The following HIPK3 variants were observed in gnomAD, a reference collection of about 807,000 sequenced individuals.
HIPK3 encodes homeodomain-interacting protein kinase 3.
Under a neutral mutation model 124.2 loss-of-function variants are expected in HIPK3, and 47 were observed. That is an observed-to-expected ratio of 0.38 (90% CI 0.30 to 0.48). HIPK3 has a LOEUF of 0.48. Ranked by LOEUF, HIPK3 falls within the 20% of genes least tolerant of loss-of-function variation. The probability of loss-of-function intolerance (pLI) is 0.98; values close to 1 mark genes in which losing one functional copy is unlikely to be tolerated. For synonymous variants in HIPK3, 482 were observed against 515.2 expected (o/e 0.94, Z 0.87); for missense variants, 1,286 against 1,454.3 (o/e 0.88, Z 1.88).
Position 33,281,819 on chromosome 11 carries a change from A to G in HIPK3, c.-2-4594A>G, listed in dbSNP as rs186272416. Among the ~76,000 whole-genome samples, 225 of 152,262 alleles carry G rather than the reference A, an allele frequency of 1.5e-3. 2 individuals are homozygous for G. Among genetic ancestry groups the G allele is most frequent in the African/African-American group, 5.1e-3 (211 of 41,544 alleles). On this transcript the variant is annotated intron_variant, in intron 1 of 16. Transcript: ENST00000303296. ...GTTTTCATTCTTTTTAAATTGGTCC[A>G]TGTGTCAAGGTCTGTTTAGTACCTT...
chr11:33,306,941 T>C (rs1852178206), intron 2 of HIPK3, among the ~76,000 whole-genome samples: 1 of 150,862 alleles, frequency 6.6e-6, no homozygotes, highest in African/African-American at 2.4e-5. Flanking sequence ...GCATCCACTT[T>C]TTTTTTTTTT....
intron 1 of HIPK3, among the ~76,000 whole-genome samples, chr11:33,275,592 A>T (rs928936729): frequency 8.5e-5 from 13 of 152,084 alleles, no homozygotes; most frequent in African/African-American, 3.1e-4. Flanking sequence ...ACTCCTTTTT[A>T]CTGGCTACAT....
At chr11:33,336,748 C>CTA (rs1359470837) in intron 3 of HIPK3, among the ~76,000 whole-genome samples, 1 of 152,186 alleles carries the variant, frequency 6.6e-6, no homozygotes, top group Non-Finnish European at 1.5e-5. Context: ...TTTACACATA[C>CTA]TATAACCTTG....
At chr11:33,292,746 T>A (rs1274206493) in intron 2 of HIPK3, among the ~76,000 whole-genome samples, 2 of 152,050 alleles carry the variant, frequency 1.3e-5, no homozygotes, top group East Asian at 3.8e-4. Flanking sequence ...AATGGTTTTC[T>A]TTTTTTTAAG....
chr11:33,287,051 A>G lies in HIPK3; in HGVS notation c.637A>G (p.Lys213Glu). 6.2e-7 allele frequency: 1 copy of G among 1,614,224 alleles called. No individual in the cohort carries two copies. Among genetic ancestry groups the G allele is most frequent in the Non-Finnish European group, 8.5e-7 (1 of 1,180,038 alleles). The change falls in exon 2 of 17, where the codon AAA (lysine) becomes GAA (glutamate). Residue 213 changes from lysine to glutamate, a missense_variant. Lys to Glu is a moderately conservative substitution (Grantham distance 56). Around this residue, in one of 3 missense-constraint regions of HIPK3, gnomAD observed 251 missense variants for 349.1 expected, o/e 0.72. Transcript: ENST00000303296. ...LGRGTFGQVV[K>E]CWKRGTNEIV... ...TCGAGGCACGTTTGGCCAGGTAGTT[A>G]AATGCTGGAAAAGAGGGACAAATGA...
intron 2 of HIPK3, among the ~76,000 whole-genome samples, chr11:33,308,801 A>G (rs1229244937): frequency 6.8e-6 from 1 of 146,298 alleles, no homozygotes; most frequent in East Asian, 2.0e-4. Flanking sequence ...TTAGTTCTAT[A>G]TATATAAGAC....
Position 33,356,125 on chromosome 11 carries a change from A to G in HIPK3, c.*2557A>G, listed in dbSNP as rs1260903467. The G allele has an allele frequency of 6.6e-6, 1 of 152,044 alleles. No individual in the cohort carries two copies. The highest frequency in any genetic ancestry group is 1.5e-5 in the Non-Finnish European group (1 of 67,910). The allele number at this position is 152,044 out of a possible 1,614,324, so 9.4% of individuals were successfully genotyped here. On this transcript the variant is annotated 3_prime_UTR_variant, in exon 17 of 17. Transcript: ENST00000303296. ...CTTTTTGTTTAGGGCCATGTTTACT[A>G]CCCTGAAATGTTGTATTTTTTGTCT...
upstream of HIPK3, chr11:33,257,250 G>A: frequency 6.1e-6 from 6 of 983,876 alleles, no homozygotes; most frequent in Non-Finnish European, 6.0e-6. Context: ...GGGCTTCACG[G>A]AGGCGCCGCG....
chr11:33,278,152 T>C (rs546349653), intron 1 of HIPK3, among the ~76,000 whole-genome samples: 1 of 152,328 alleles, frequency 6.6e-6, no homozygotes, highest in South Asian at 2.1e-4. Context: ...AGGTTGATGA[T>C]TAATTTGTTA....
In HIPK3 at chr11:33,337,198, A is replaced by C; in HGVS notation, c.1341+4A>C. 1 of 1,508,302 alleles carries C rather than the reference A, an allele frequency of 6.6e-7. No individual in the cohort carries two copies. Among genetic ancestry groups the C allele is most frequent in the Non-Finnish European group, 9.1e-7 (1 of 1,099,490 alleles). 93.4% of individuals were successfully genotyped at this position (1,508,302 alleles called of 1,614,324 possible). On this transcript the variant is annotated splice_donor_region_variant and intron_variant, in intron 4 of 16. Transcript: ENST00000303296. ...TCATTCTGGTTGGAGATTAAAGGTA[A>C]TTCATTAAAAAATAGAATATTTAGA...
rs148833005 is a variant in HIPK3 at position 33,340,717 on chromosome 11, C to G, written c.1614-251C>G. On this transcript the variant is annotated intron_variant, in intron 6 of 16. Coordinates refer to ENST00000303296, the MANE Select transcript of HIPK3 (RefSeq NM_005734.5). ...TAGGGGATCGTAAAATTATTGCATG[C>G]TAACCAAAAAATGCTTACTGTGGTT... 2.9e-3 allele frequency among the ~76,000 whole-genome samples: 441 copies of G among 151,742 alleles called. 2 individuals are homozygous for G. Among genetic ancestry groups the G allele is most frequent in the African/African-American group, 0.01 (427 of 41,354 alleles).
chr11:33,271,465 T>C lies in HIPK3; in HGVS notation c.-3+13576T>C, dbSNP rs1247618609. Among the ~76,000 whole-genome samples the C allele has an allele frequency of 2.6e-5, 4 of 152,070 alleles. No homozygotes were observed. In the East Asian group the frequency reaches 7.7e-4, roughly 29 times the overall value. ...CCTGTAATCACAGCTACCAGGGAGGTTGAAGTGAAAGGATCACTTGAGCCC... is the reference window on the plus strand; with the variant it reads ...CCTGTAATCACAGCTACCAGGGAGGCTGAAGTGAAAGGATCACTTGAGCCC... On this transcript the variant is annotated intron_variant, in intron 1 of 16. Coordinates refer to ENST00000303296, the MANE Select transcript of HIPK3 (RefSeq NM_005734.5).
intron 2 of HIPK3, among the ~76,000 whole-genome samples, chr11:33,310,462 C>A (rs923176233): frequency 6.6e-6 from 1 of 152,040 alleles, no homozygotes; most frequent in Non-Finnish European, 1.5e-5. Context: ...TGTGCACCAC[C>A]ATGACCCAGC....
rs772780761 is a variant in HIPK3, at chr11:33,337,191, A to G, written c.1338A>G (p.Leu446=). ...ETDMSHSGWR[L]KTLEEHEAET... Reference sequence around the variant, plus strand: ...ATATGTCTCATTCTGGTTGGAGATTAAAGGTAATTCATTAAAAAATAGAAT... The same window carrying G: ...ATATGTCTCATTCTGGTTGGAGATTGAAGGTAATTCATTAAAAAATAGAAT... The change falls in exon 4 of 17, where the codon TTA becomes TTG. Residue 446 remains leucine (L), a synonymous_variant. Transcript: ENST00000303296. 24 of 1,529,804 alleles carry G rather than the reference A, an allele frequency of 1.6e-5. No individual in the cohort carries two copies. Among genetic ancestry groups the G allele is most frequent in the Non-Finnish European group, 2.2e-5 (24 of 1,114,482 alleles). The allele number at this position is 1,529,804 out of a possible 1,614,324, so 94.8% of individuals were successfully genotyped here. A position where few individuals can be genotyped will look rare whatever the true frequency, so the allele number is the denominator to read the frequency against.
intron 2 of HIPK3, among the ~76,000 whole-genome samples, chr11:33,328,282 A>G (rs1413832957): frequency 6.6e-6 from 1 of 152,236 alleles, no homozygotes; most frequent in Non-Finnish European, 1.5e-5. Context: ...TATAAGGGAA[A>G]AGGATTACAG....
intron 1 of HIPK3, among the ~76,000 whole-genome samples, chr11:33,281,995 A>G (rs952702653): frequency 3.3e-5 from 5 of 152,166 alleles, no homozygotes; most frequent in Non-Finnish European, 7.4e-5. Context: ...TTGCCTTCCC[A>G]CCATCTGTAT....
At chr11:33,318,620 T>TA (rs1027874354) in intron 2 of HIPK3, among the ~76,000 whole-genome samples, 4 of 152,334 alleles carry the variant, frequency 2.6e-5, no homozygotes, top group African/African-American at 9.6e-5. Context: ...CTGTATATTT[T>TA]AAAAAGGATT....
chr11:33,275,935 A>G (rs1036313161), intron 1 of HIPK3, among the ~76,000 whole-genome samples: 1 of 152,224 alleles, frequency 6.6e-6, no homozygotes, highest in Non-Finnish European at 1.5e-5. Context: ...TACGCCTACC[A>G]TATTTGGCTG....
At chr11:33,264,778 A>G (rs1850912002) in intron 1 of HIPK3, among the ~76,000 whole-genome samples, 1 of 152,212 alleles carries the variant, frequency 6.6e-6, no homozygotes, top group East Asian at 1.9e-4. Context: ...GTTTTTAAAA[A>G]CAAAATAGTG....
Sources: allele counts gnomAD v4.1 joint callset (sites outside exome capture counted in the v4.1 genomes callset), GRCh38; gene constraint gnomAD v4.1.1; regional missense constraint gnomAD v4.1.1; transcripts MANE v1.5; gene names NCBI Gene and HGNC (gene_info 2026-07-23, HGNC 2026-07-21).